Variants in CARF observed in about 807,000 individuals in gnomAD.
The protein encoded by CARF is calcium responsive transcription factor, also known as calcium-responsive transcription factor.
Under a neutral mutation model 82.0 loss-of-function variants are expected in CARF, and 57 were observed. The observed-to-expected ratio is 0.70, with a 90% CI of 0.56 to 0.87. The LOEUF is 0.87. Ranked by LOEUF, CARF falls within the 40% of genes least tolerant of loss-of-function variation. The pLI is 0.00. For missense variants in CARF, 771 were observed against 855.8 expected (o/e 0.90, Z 1.24); for synonymous variants, 268 against 290.1 (o/e 0.92, Z 0.77).
chr2:202,977,938 C>T (rs72932553), intron 14 of CARF, among the ~76,000 whole-genome samples: 13,702 of 152,196 alleles, frequency 0.09, 745 homozygotes, highest in Non-Finnish European at 0.12. Flanking sequence ...CTCAGCCTCC[C>T]GGGTTCAAGT....
intron 5 of CARF, among the ~76,000 whole-genome samples, chr2:202,947,655 A>T (rs772254041): frequency 2.0e-5 from 3 of 151,900 alleles, no homozygotes; most frequent in Non-Finnish European, 2.9e-5. Flanking sequence ...AAAAAACAAA[A>T]AACCAGAAAT....
In CARF at chr2:202,969,941, A is replaced by G; in HGVS notation, c.976A>G (p.Lys326Glu). The G allele has an allele frequency of 6.5e-7, 1 of 1,530,090 alleles. No individual in the cohort carries two copies. The highest frequency in any genetic ancestry group is 8.7e-7 in the Non-Finnish European group (1 of 1,142,974). The allele number at this position is 1,530,090 out of a possible 1,614,324, so 94.8% of individuals were successfully genotyped here. A position where few individuals can be genotyped will look rare whatever the true frequency, so the allele number is the denominator to read the frequency against. Residue 326 changes from lysine (K) to glutamate (E), a missense_variant, in exon 11 of 17, where the codon AAG becomes GAG. Lys to Glu is a moderately conservative substitution (Grantham distance 56). Transcript: ENST00000438828. ...PARIYIKKVQ[K>E]FPEYRVPTDP... Reference sequence around the variant, plus strand: ...AAGGATTTACATTAAAAAGGTACAGAAGTTTCCTGAATATAGAGTTCCTAC... The same window carrying G: ...AAGGATTTACATTAAAAAGGTACAGGAGTTTCCTGAATATAGAGTTCCTAC...
At chr2:202,939,840 C>G (rs2058141670) in intron 3 of CARF, among the ~76,000 whole-genome samples, 1 of 151,678 alleles carries the variant, frequency 6.6e-6, no homozygotes. Flanking sequence ...AGACCCACAC[C>G]ACCAGACATG....
At chr2:202,952,836 A>C (rs974878549) in intron 6 of CARF, among the ~76,000 whole-genome samples, 157 bp downstream of exon 6, 3 of 152,202 alleles carry the variant, frequency 2.0e-5, no homozygotes, top group Non-Finnish European at 4.4e-5. Context: ...AAATAAATTC[A>C]AAGTTCATTT....
At chr2:202,945,224 A>G (rs954642403) in intron 5 of CARF, among the ~76,000 whole-genome samples, 2 of 152,168 alleles carry the variant, frequency 1.3e-5, no homozygotes, top group African/African-American at 4.8e-5. Context: ...ATATATATAT[A>G]CTTCCTGTAC....
chr2:202,926,648 G>T (rs773048063), intron 3 of CARF, among the ~76,000 whole-genome samples: 5 of 152,114 alleles, frequency 3.3e-5, no homozygotes, highest in Non-Finnish European at 7.4e-5. Context: ...CTGGGATTTA[G>T]GTTGGGATGA....
chr2:202,959,042 T>C (rs1418882365), intron 8 of CARF, among the ~76,000 whole-genome samples: 1 of 152,142 alleles, frequency 6.6e-6, no homozygotes, highest in Non-Finnish European at 1.5e-5. Context: ...TTTTTCAGAT[T>C]TGACTAAAGT....
intron 6 of CARF, among the ~76,000 whole-genome samples, chr2:202,953,498 G>GGTT (rs1553563229): frequency 2.8e-5 from 2 of 70,294 alleles, no homozygotes; most frequent in Non-Finnish European, 5.0e-5. Flanking sequence ...TTTTTTTGTT[G>GGTT]TTTTTTTTTT....
intron 9 of CARF, among the ~76,000 whole-genome samples, chr2:202,966,518 C>T (rs1283852995): frequency 2.0e-5 from 3 of 152,098 alleles, no homozygotes; most frequent in African/African-American, 4.8e-5. Context: ...TCAAAACCAG[C>T]CTGGACAACA....
At position 202,984,609 on chromosome 2, in the gene CARF, G is replaced by A. The variant is rs1461836315; in HGVS notation, c.*985G>A. On this transcript the variant is annotated 3_prime_UTR_variant, in exon 17 of 17. Transcript: ENST00000438828. ...TGAATTGATGATATTAGGATTTCTA[G>A]TATTTTAAGGTAAGTATTTATAGTT... 1 of 152,062 alleles carries A rather than the reference G, an allele frequency of 6.6e-6. No individual in the cohort carries two copies. Among genetic ancestry groups the A allele is most frequent in the Non-Finnish European group, 1.5e-5 (1 of 68,020 alleles). 9.4% of individuals were successfully genotyped at this position (152,062 alleles called of 1,614,324 possible). A position where few individuals can be genotyped will look rare whatever the true frequency, so the allele number is the denominator to read the frequency against.
chr2:202,981,563 C>T lies in CARF; in HGVS notation c.1567C>T (p.Pro523Ser). 1 of 1,593,600 alleles carries T rather than the reference C, an allele frequency of 6.3e-7. No individual in the cohort carries two copies. Among genetic ancestry groups the T allele is most frequent in the East Asian group, 2.2e-5 (1 of 44,588 alleles). ...TCTTTAATATAATTTAGGAAATTCA[C>T]CAGGAGAATCAATTACCACCAAAGT... Reference protein sequence around the residue: ...MTVTFAEGNSPGESITTKVET... With the variant: ...MTVTFAEGNSSGESITTKVET... Residue 523 changes from proline to serine, a missense_variant, in exon 15 of 17, where the codon CCA (proline) becomes TCA (serine). Coordinates refer to ENST00000438828, the MANE Select transcript of CARF (RefSeq NM_024744.17).
At chr2:202,975,813 G>A (rs2060000116) in intron 13 of CARF, among the ~76,000 whole-genome samples, 1 of 152,084 alleles carries the variant, frequency 6.6e-6, no homozygotes, top group Admixed American at 6.6e-5. Flanking sequence ...AGGAGGCTGA[G>A]GCAAGTGGAT....
At position 202,955,702 on chromosome 2, in the gene CARF, C is replaced by G. The variant is rs2059002577; in HGVS notation, c.586C>G (p.Leu196Val). 6.2e-7 allele frequency: 1 copy of G among 1,611,304 alleles called. No individual in the cohort carries two copies. Among genetic ancestry groups the G allele is most frequent in the Non-Finnish European group, 8.5e-7 (1 of 1,178,440 alleles). ...GMLEEPLLGP[L>V]QPLSSNTPIW... ...GCTGGAAGAACCCCTTCTGGGGCCTCTTCAGCCACTTTCTTCTAATACACC... is the reference window on the plus strand; with the variant it reads ...GCTGGAAGAACCCCTTCTGGGGCCTGTTCAGCCACTTTCTTCTAATACACC... Residue 196 changes from leucine to valine, a missense_variant, in exon 8 of 17, where the codon CTT becomes GTT. Coordinates refer to ENST00000438828, the MANE Select transcript of CARF (RefSeq NM_024744.17).
intron 8 of CARF, among the ~76,000 whole-genome samples, chr2:202,958,247 A>ATGTGTGTGTGTGTGTG (rs1225523942): frequency 0.02 from 521 of 26,450 alleles, 5 homozygotes; most frequent in Middle Eastern, 0.088. Flanking sequence ...GTATATACAT[A>ATGTGTGTGTGTGTGTG]TATGTGTGTG....
chr2:202,933,871 CTTTTCTT>C (rs1167067986), intron 3 of CARF, among the ~76,000 whole-genome samples: 1 of 53,554 alleles, frequency 1.9e-5, no homozygotes, highest in Admixed American at 2.1e-4. Context: ...CCTTTCTTTT[CTTTTCTT>C]TTCTTTTTTT....
chr2:202,981,502 G>T, intron 14 of CARF, 53 bp from the exon 15 acceptor site: 1 of 1,241,720 alleles, frequency 8.1e-7, no homozygotes, highest in South Asian at 1.6e-5. Flanking sequence ...GTATTTTTAT[G>T]ACTTCATAGA....
chr2:202,914,736 G>C (rs189514204), intron 1 of CARF, among the ~76,000 whole-genome samples: 2 of 136,956 alleles, frequency 1.5e-5, no homozygotes, highest in East Asian at 4.3e-4. Context: ...CCAAGATCAC[G>C]CCACTTCACT....
chr2:202,935,033 C>A (rs984106823), intron 3 of CARF, among the ~76,000 whole-genome samples: 2 of 145,438 alleles, frequency 1.4e-5, no homozygotes, highest in African/African-American at 5.1e-5. Flanking sequence ...GTGGAGATTG[C>A]GCCACTGCAC....
chr2:202,925,951 G>T, intron 3 of CARF: 2 of 159,928 alleles, frequency 1.3e-5, no homozygotes, highest in South Asian at 3.2e-4. Context: ...CCACAAGTAT[G>T]ACCTAGGGCC....
Sources: gnomAD v4.1 joint callset for allele counts (sites outside exome capture counted in the v4.1 genomes callset) on GRCh38, gnomAD v4.1.1 for gene constraint, MANE v1.5 for transcripts, NCBI Gene and HGNC (gene_info 2026-07-23, HGNC 2026-07-21) for gene names.